TDRD12: variants seen among roughly 807,000 people sequenced by gnomAD.
TDRD12 encodes tudor domain containing 12.
A neutral mutation model predicts 133.5 loss-of-function variants in TDRD12; 158 were observed. That is an observed-to-expected ratio of 1.18 (90% confidence interval 1.04 to 1.35). The LOEUF (loss-of-function observed/expected upper bound fraction) is 1.35. Among genes scored for constraint, TDRD12 ranks in the 40% most tolerant of loss-of-function variants. The pLI is 0.00. For missense variants in TDRD12, 1,443 were observed against 1,321.3 expected (o/e 1.09, Z -1.43); for synonymous variants, 460 against 477.9 (o/e 0.96, Z 0.49).
At chr19:32,728,669 G>A (rs1968936105) in intron 1 of TDRD12, among the ~76,000 whole-genome samples, 1 of 130,456 alleles carries the variant, frequency 7.7e-6, no homozygotes, top group Non-Finnish European at 1.6e-5. Context: ...TTTTGTGACA[G>A]AGTCTCACTC....
chr19:32,826,661 TG>T, intron 9 of TDRD12, 21 bp from the exon 32 acceptor site: 1 of 1,226,676 alleles, frequency 8.2e-7, no homozygotes, highest in Non-Finnish European at 1.0e-6. Flanking sequence ...ACGCGCTCAC[TG>T]TCAGCTGTTC....
At chr19:32,737,406 T>C (rs1235269658) in intron 2 of TDRD12, among the ~76,000 whole-genome samples, 3 of 152,170 alleles carry the variant, frequency 2.0e-5, no homozygotes, top group Non-Finnish European at 2.9e-5. Context: ...GGTTTTTCCA[T>C]GTTGGTCAGG....
intron 1 of TDRD12, 123 bp downstream of exon 1, chr19:32,720,219 C>T: frequency 9.4e-7 from 1 of 1,067,480 alleles, no homozygotes; most frequent in African/African-American, 1.9e-5. Context: ...CGCAGCCCCG[C>T]ACAGCCTCCC....
At chr19:32,806,380 T>C (rs1971551467) in intron 21 of TDRD12, among the ~76,000 whole-genome samples, 2 of 148,590 alleles carry the variant, frequency 1.3e-5, no homozygotes, top group South Asian at 4.5e-4. Flanking sequence ...TCTGGCTCTG[T>C]CACCCAGGCT....
chr19:32,723,862 G>A (rs955615054), intron 1 of TDRD12, among the ~76,000 whole-genome samples: 2 of 151,878 alleles, frequency 1.3e-5, no homozygotes, highest in African/African-American at 4.8e-5. Flanking sequence ...GTTTTGTTTT[G>A]TTTTTCAGTA....
chr19:32,799,354 G>C (rs1486738405), intron 16 of TDRD12, among the ~76,000 whole-genome samples: 1 of 152,174 alleles, frequency 6.6e-6, no homozygotes, highest in Non-Finnish European at 1.5e-5. Flanking sequence ...ACTCCTGTCA[G>C]CCATGTGCAG....
chr19:32,819,475 A>G (rs1967304651), intron 27 of TDRD12, among the ~76,000 whole-genome samples: 1 of 152,192 alleles, frequency 6.6e-6, no homozygotes, highest in African/African-American at 2.4e-5. Flanking sequence ...CTTTTTTAGA[A>G]ATGAAGATGT....
At chr19:32,723,858 TTTTG>T in intron 1 of TDRD12, among the ~76,000 whole-genome samples, 1 of 152,108 alleles carries the variant, frequency 6.6e-6, no homozygotes, top group Non-Finnish European at 1.5e-5. Context: ...CTGGGTTTTG[TTTTG>T]TTTTTCAGTA....
intron 7 of TDRD12, 63 bp downstream of exon 7, chr19:32,756,244 G>C: frequency 2.3e-6 from 3 of 1,315,900 alleles, no homozygotes; most frequent in Non-Finnish European, 3.0e-6. Flanking sequence ...TTAGTGTATA[G>C]ATATAAGTTG....
chr19:32,761,913 T>A (rs1970161853), intron 8 of TDRD12, among the ~76,000 whole-genome samples: 3 of 152,044 alleles, frequency 2.0e-5, no homozygotes, highest in Non-Finnish European at 4.4e-5. Context: ...CTTGAACTCA[T>A]GAGCTCAAGT....
chr19:32,765,639 CAA>C (rs974374081), intron 8 of TDRD12, among the ~76,000 whole-genome samples: 1 of 139,228 alleles, frequency 7.2e-6, no homozygotes, highest in Non-Finnish European at 1.5e-5. Flanking sequence ...ATCGCAAGGA[CAA>C]AAAACCAAAC....
chr19:32,721,999 A>G (rs914625862), intron 1 of TDRD12, among the ~76,000 whole-genome samples: 3 of 151,634 alleles, frequency 2.0e-5, no homozygotes, highest in African/African-American at 7.3e-5. Flanking sequence ...TACAGGCGTG[A>G]GCCACCACGC....
intron 10 of TDRD12, 100 bp from the exon 11 acceptor site, chr19:32,777,049 C>T (rs1210089658): frequency 3.1e-5 from 24 of 767,340 alleles, no homozygotes; most frequent in African/African-American, 7.2e-5. Context: ...CCACCATGCC[C>T]GGCATTTTTT....
rs186102948 is a variant in TDRD12 at position 32,800,584 on chromosome 19, A to G, written c.1951-60A>G. On this transcript the variant is annotated intron_variant, in intron 17 of 27. Coordinates refer to ENST00000444215, the Ensembl canonical transcript of TDRD12. ...TATTAAAATCCCAACACCTGTGGAA[A>G]GTGGATCTGGAGCACCTAAAATATT... is the stretch of plus-strand genomic sequence containing the variant. 3.7e-4 allele frequency: 521 copies of G among 1,414,700 alleles called. 4 individuals are homozygous for G. The African/African-American group carries it at 6.9e-3, about 19-fold the overall frequency. 87.6% of individuals were successfully genotyped at this position (1,414,700 alleles called of 1,614,324 possible). A position where few individuals can be genotyped will look rare whatever the true frequency, so the allele number is the denominator to read the frequency against.
chr19:32,760,443 ATAATACTTGGC>A (rs1970118547), intron 8 of TDRD12, among the ~76,000 whole-genome samples: 1 of 152,234 alleles, frequency 6.6e-6, no homozygotes, highest in African/African-American at 2.4e-5. Flanking sequence ...GAATCAAAGT[ATAATACTTGGC>A]TAATACTTGA....
chr19:32,747,915 T>C (rs1969702722), intron 4 of TDRD12, among the ~76,000 whole-genome samples: 1 of 151,952 alleles, frequency 6.6e-6, no homozygotes, highest in South Asian at 2.1e-4. Flanking sequence ...CTCAGGAGGC[T>C]GAGATGAGAG....
At chr19:32,795,616 T>A (rs2145679220) in intron 14 of TDRD12, among the ~76,000 whole-genome samples, 1 of 152,286 alleles carries the variant, frequency 6.6e-6, no homozygotes, top group Non-Finnish European at 1.5e-5. Context: ...CTTCTTAACT[T>A]TTCCCATGTG....
chr19:32,769,249 A>G (rs917299764), intron 8 of TDRD12, among the ~76,000 whole-genome samples: 1 of 152,136 alleles, frequency 6.6e-6, no homozygotes, highest in African/African-American at 2.4e-5. Context: ...TGGCTTTTAC[A>G]TTTAATTCTA....
Position 32,752,832 on chromosome 19 carries a change from G to A in TDRD12, c.582+2963G>A, listed in dbSNP as rs190341585. On this transcript the variant is annotated intron_variant, in intron 6 of 27. Coordinates refer to ENST00000444215, the Ensembl canonical transcript of TDRD12. ...TTTTGAGATGGAGTCTCACTCTGTC[G>A]CTCAGGCTGGAGTGCACTGGCGCGA... 1.0e-3 allele frequency among the ~76,000 whole-genome samples: 137 copies of A among 130,838 alleles called. 1 individual carries two copies. The highest frequency in any genetic ancestry group is 5.7e-3 in the Middle Eastern group (1 of 176). 85.8% of individuals were successfully genotyped at this position (130,838 alleles called of 152,430 possible).
Sources: gnomAD v4.1 joint callset for allele counts (sites outside exome capture counted in the v4.1 genomes callset) on GRCh38, gnomAD v4.1.1 for gene constraint, MANE v1.5 for transcripts, NCBI Gene and HGNC (gene_info 2026-07-23, HGNC 2026-07-21) for gene names.